CDKL5: variants seen among roughly 807,000 people sequenced by gnomAD.
CDKL5 encodes cyclin dependent kinase like 5, also known as cyclin-dependent kinase-like 5.
CDKL5 carries 8 observed loss-of-function variants against 61.7 expected under a neutral mutation model. The ratio of observed to expected loss-of-function variants is 0.13; its 90% confidence interval spans 0.08 to 0.23. The LOEUF (loss-of-function observed/expected upper bound fraction) is 0.23. Ranked by LOEUF, CDKL5 falls within the 10% of genes least tolerant of loss-of-function variation. The probability of loss-of-function intolerance (pLI) is 1.00; values close to 1 mark genes in which losing one functional copy is unlikely to be tolerated. For missense variants in CDKL5, 440 were observed against 734.5 expected (o/e 0.60, Z 4.63); for synonymous variants, 275 against 272.3 (o/e 1.01, Z -0.10).
chrX:18,482,093 C>A (rs1446367545), intron 1 of CDKL5, among the ~76,000 whole-genome samples: 1 of 111,435 alleles, frequency 9.0e-6, no homozygotes, highest in Non-Finnish European at 1.9e-5. Flanking sequence ...CTAAATATTG[C>A]TGCGTTTGCC....
rs758513424 is a variant in CDKL5 at position 18,602,750 on chromosome X, A to T, written c.978-1152A>T. Among the ~76,000 whole-genome samples, 5 of 111,551 alleles carry T rather than the reference A, an allele frequency of 4.5e-5. No individual in the cohort carries two copies. In the East Asian group the frequency reaches 1.4e-3, roughly 31 times the overall value. ...GCAGGTTCTCATGGGGAAAATTGGA[A>T]GTCAGAGCTTCACAGACTACCATTC... On this transcript the variant is annotated intron_variant, in intron 11 of 17. Transcript: ENST00000623535.
chrX:18,476,366 C>T (rs980571174), intron 1 of CDKL5, among the ~76,000 whole-genome samples: 1 of 111,004 alleles, frequency 9.0e-6, no homozygotes, highest in African/African-American at 3.3e-5. Flanking sequence ...TAGGCATGCA[C>T]CACGATGCCT....
intron 17 of CDKL5, chrX:18,626,740 C>T (rs1296064371): frequency 2.0e-5 from 1 of 50,268 alleles, no homozygotes; most frequent in African/African-American, 7.4e-5. Context: ...TCTCTCCCCC[C>T]CCCTCCCCCC....
At chrX:18,484,861 C>T (rs891667748) in intron 1 of CDKL5, among the ~76,000 whole-genome samples, 1 of 108,533 alleles carries the variant, frequency 9.2e-6, no homozygotes, top group South Asian at 4.1e-4. Flanking sequence ...CAGACTCAAG[C>T]GATCCTTCTA....
intron 20 of CDKL5, among the ~76,000 whole-genome samples, chrX:18,646,750 G>A (rs147239485): frequency 4.7e-4 from 52 of 110,931 alleles, no homozygotes; most frequent in African/African-American, 1.6e-3. Context: ...TGCACCTGCT[G>A]TACCCCACGC....
intron 3 of CDKL5, among the ~76,000 whole-genome samples, chrX:18,547,591 C>T (rs186638072): frequency 8.9e-6 from 1 of 111,876 alleles, no homozygotes; most frequent in East Asian, 2.8e-4. Context: ...TTGAGACTTA[C>T]GTGCCACTCT....
At chrX:18,469,648 CA>C (rs200046858) in intron 1 of CDKL5, among the ~76,000 whole-genome samples, 2,541 of 61,526 alleles carry the variant, frequency 0.041, 71 homozygotes, top group East Asian at 0.22. Context: ...AACTCTGTCT[CA>C]AAAAAAAAAA....
intron 5 of CDKL5, among the ~76,000 whole-genome samples, chrX:18,576,711 T>C (rs991553604): frequency 3.6e-5 from 4 of 111,117 alleles, no homozygotes; most frequent in Non-Finnish European, 7.5e-5. Context: ...AACCACTGCT[T>C]TATGTTCCTT....
At chrX:18,512,068 A>C (rs1305772759) in intron 3 of CDKL5, among the ~76,000 whole-genome samples, 1 of 112,008 alleles carries the variant, frequency 8.9e-6, no homozygotes, top group Admixed American at 9.5e-5. Context: ...CAAATTATTC[A>C]GAGAAGTTAT....
chrX:18,580,113 G>A (rs1602271865), intron 6 of CDKL5, 145 bp downstream of exon 6: 4 of 503,703 alleles, frequency 7.9e-6, no homozygotes, highest in East Asian at 3.8e-5. Context: ...CAAGACATGA[G>A]AAATATTTGC....
chrX:18,441,724 T>G (rs973500656), intron 1 of CDKL5, among the ~76,000 whole-genome samples: 6 of 111,726 alleles, frequency 5.4e-5, no homozygotes, highest in Non-Finnish European at 1.1e-4. Flanking sequence ...ACCAGAACAG[T>G]GTCTGTTCCA....
intron 4 of CDKL5, among the ~76,000 whole-genome samples, chrX:18,567,728 TA>T (rs1481190568): frequency 1.8e-5 from 2 of 111,182 alleles, no homozygotes; most frequent in African/African-American, 6.5e-5. Flanking sequence ...AAAAAATTTT[TA>T]AAAAAATTAG....
chrX:18,503,737 G>A (rs973478842), intron 1 of CDKL5, among the ~76,000 whole-genome samples: 9 of 111,954 alleles, frequency 8.0e-5, no homozygotes, highest in Non-Finnish European at 5.6e-5. Context: ...CCACAAGGAT[G>A]TTTTTGTTTT....
At chrX:18,511,592 T>C (rs1922831403) in intron 3 of CDKL5, among the ~76,000 whole-genome samples, 1 of 111,946 alleles carries the variant, frequency 8.9e-6, no homozygotes, top group African/African-American at 3.2e-5. Flanking sequence ...CTTGAAACAA[T>C]AGGCTATACC....
intron 15 of CDKL5, among the ~76,000 whole-genome samples, chrX:18,619,214 A>G (rs774519439): frequency 1.8e-3 from 188 of 103,343 alleles, no homozygotes; most frequent in Middle Eastern, 4.9e-3. Context: ...ACACTGGTCT[A>G]AAACTCCTGA....
chrX:18,650,597 G>T, intron 21 of CDKL5: 2 of 1,210,052 alleles, frequency 1.7e-6, no homozygotes, highest in Non-Finnish European at 2.2e-6. Context: ...AATCCGGTAA[G>T]CAGAGACTCT....
intron 3 of CDKL5, among the ~76,000 whole-genome samples, chrX:18,525,420 G>A (rs768655648): frequency 4.5e-5 from 5 of 111,089 alleles, no homozygotes; most frequent in Admixed American, 9.5e-5. Flanking sequence ...TTTTTTATAG[G>A]GACAGGGTCT....
In CDKL5 at chrX:18,584,491, C is replaced by T. The variant is rs1048877312; in HGVS notation, c.554+138C>T. 20 of 493,464 alleles carry T rather than the reference C, an allele frequency of 4.1e-5. No individual in the cohort carries two copies. In the South Asian group the frequency reaches 5.0e-4, roughly 12 times the overall value. 40.7% of individuals were successfully genotyped at this position (493,464 alleles called of 1,213,427 possible). A position where few individuals can be genotyped will look rare whatever the true frequency, so the allele number is the denominator to read the frequency against. ...TACATATTGCAGTATAACAAACTAC[C>T]TAAAACTTAATGGTATGAAACAAGC... On this transcript the variant is annotated intron_variant, in intron 8 of 17. Transcript: ENST00000623535.
At chrX:18,456,972 A>G (rs1260227739) in intron 1 of CDKL5, among the ~76,000 whole-genome samples, 1 of 110,381 alleles carries the variant, frequency 9.1e-6, no homozygotes, top group African/African-American at 3.3e-5. Context: ...TTCTTAGAGC[A>G]TTTATCGTTT....
Sources: allele counts gnomAD v4.1 joint callset (sites outside exome capture counted in the v4.1 genomes callset), GRCh38; gene constraint gnomAD v4.1.1; transcripts MANE v1.5; gene names NCBI Gene and HGNC (gene_info 2026-07-23, HGNC 2026-07-21).